The following NCOR1 variants were observed in gnomAD, a reference collection of about 807,000 sequenced individuals.
The protein encoded by NCOR1 is protein phosphatase 1, regulatory subunit 109.
NCOR1 carries 63 observed loss-of-function variants against 288.1 expected under a neutral mutation model. The ratio of observed to expected loss-of-function variants is 0.22; its 90% CI spans 0.18 to 0.27. The LOEUF is 0.27. Ranked by LOEUF, NCOR1 falls within the 10% of genes least tolerant of loss-of-function variation. NCOR1 has a pLI of 1.00. For synonymous variants in NCOR1, 1,007 were observed against 1,065.9 expected (o/e 0.94, Z 1.08); for missense variants, 2,397 against 3,019.2 (o/e 0.79, Z 4.83).
At chr17:16,054,125 T>C (rs1274316986) in intron 40 of NCOR1, among the ~76,000 whole-genome samples, 1 of 90,502 alleles carries the variant, frequency 1.1e-5, no homozygotes, top group East Asian at 3.2e-4. Flanking sequence ...ACCTAGGAAA[T>C]ACCTTTCAGG....
chr17:16,062,344 G>C (rs1231058434), intron 35 of NCOR1, 74 bp from the exon 36 acceptor site: 4 of 1,412,778 alleles, frequency 2.8e-6, no homozygotes, highest in Non-Finnish European at 3.8e-6. Flanking sequence ...AATGCTTATG[G>C]ATTGTTTATT....
chr17:16,089,216 A>C (rs1423111297), intron 22 of NCOR1, among the ~76,000 whole-genome samples: 1 of 152,000 alleles, frequency 6.6e-6, no homozygotes, highest in East Asian at 1.9e-4. Flanking sequence ...GAAAAACAGC[A>C]ACAGCAACAA....
At chr17:16,139,772 T>G (rs1417261654) in intron 11 of NCOR1, among the ~76,000 whole-genome samples, 1 of 152,226 alleles carries the variant, frequency 6.6e-6, no homozygotes, top group Non-Finnish European at 1.5e-5. Flanking sequence ...AAAACTTTGT[T>G]ACACGTGCAG....
chr17:16,087,575 T>C (rs932038619), intron 22 of NCOR1, among the ~76,000 whole-genome samples: 1 of 152,126 alleles, frequency 6.6e-6, no homozygotes, highest in Non-Finnish European at 1.5e-5. Context: ...AAAAAGAACT[T>C]CTCTTTCCTC....
intron 6 of NCOR1, among the ~76,000 whole-genome samples, chr17:16,157,955 C>G (rs1057135199): frequency 1.3e-5 from 2 of 151,574 alleles, no homozygotes; most frequent in African/African-American, 4.8e-5. Context: ...ACCTAAAGGT[C>G]AAAATCTACC....
rs1364517763 is a variant in NCOR1 at position 16,068,089 on chromosome 17, C to T, written c.4546G>A (p.Glu1516Lys). 6.2e-7 allele frequency: 1 copy of T among 1,613,510 alleles called. No individual in the cohort carries two copies. The highest frequency in any genetic ancestry group is 1.7e-5 in the Admixed American group (1 of 59,956). The change falls in exon 32 of 46, where the codon GAA becomes AAA. Residue 1516 changes from glutamate (E) to lysine (K), a missense_variant. Glu to Lys is a moderately conservative substitution (Grantham distance 56). Coordinates refer to ENST00000268712, the MANE Select transcript of NCOR1 (RefSeq NM_006311.4). ...TISSNKSTNH[E>K]RKSTLTPTQR... Reference sequence around the variant, plus strand: ...GTAGGGGTCAGTGTCGATTTCCTTTCATGATTGGTAGACTTGTTAGAAGAA... The same window carrying T: ...GTAGGGGTCAGTGTCGATTTCCTTTTATGATTGGTAGACTTGTTAGAAGAA...
At chr17:16,199,207 A>AC (rs1321714820) in intron 1 of NCOR1, among the ~76,000 whole-genome samples, 34 of 101,444 alleles carry the variant, frequency 3.4e-4, no homozygotes, top group African/African-American at 1.5e-3. Context: ...ACAGAAGGAA[A>AC]AAAAAAAAAA....
chr17:16,098,711 C>T (rs1298077444), intron 20 of NCOR1: 3 of 339,956 alleles, frequency 8.8e-6, no homozygotes, highest in African/African-American at 2.2e-5. Flanking sequence ...ATCGTACTCA[C>T]TTCAGCAGCG....
intron 11 of NCOR1, 64 bp downstream of exon 11, chr17:16,143,542 C>T: frequency 1.6e-6 from 2 of 1,279,448 alleles, no homozygotes; most frequent in Non-Finnish European, 2.3e-6. Context: ...AAACCCTTAG[C>T]TCCTACAGAG....
In NCOR1 at chr17:16,127,345, GTA is replaced by G. The variant is rs1287236889; in HGVS notation, c.1510-1141_1510-1140del. On this transcript the variant is annotated intron_variant, in intron 14 of 45. Coordinates refer to ENST00000268712, the MANE Select transcript of NCOR1 (RefSeq NM_006311.4). The stretch of plus-strand genomic sequence containing the variant: ...TATATGTATGTATATATACATGTAT[GTA>G]TATATGTATGTATATATACATGTAT... Among the ~76,000 whole-genome samples the G allele has an allele frequency of 4.5e-5, 4 of 88,600 alleles. 2 individuals are homozygous for G. Among genetic ancestry groups the G allele is most frequent in the African/African-American group, 2.4e-4 (4 of 16,432 alleles). 58.1% of individuals were successfully genotyped at this position (88,600 alleles called of 152,430 possible). A position where few individuals can be genotyped will look rare whatever the true frequency, so the allele number is the denominator to read the frequency against.
At position 16,127,279 on chromosome 17, in the gene NCOR1, A is replaced by G. The variant is rs1039276488; in HGVS notation, c.1510-1073T>C. ...TGTGTGTGTATATATGTATGTATAT[A>G]TACGTGTATATATGTATGTATGTAT... On this transcript the variant is annotated intron_variant, in intron 14 of 45. Transcript: ENST00000268712. Among the ~76,000 whole-genome samples the G allele has an allele frequency of 3.1e-5, 3 of 97,272 alleles. 1 individual carries two copies. 63.8% of individuals were successfully genotyped at this position (97,272 alleles called of 152,430 possible). A position where few individuals can be genotyped will look rare whatever the true frequency, so the allele number is the denominator to read the frequency against.
chr17:16,173,907 G>A (rs545236772), intron 3 of NCOR1, among the ~76,000 whole-genome samples: 2 of 151,746 alleles, frequency 1.3e-5, no homozygotes, highest in East Asian at 3.9e-4. Context: ...CTCCTGCAGG[G>A]GCAACAAGAG....
intron 42 of NCOR1, chr17:16,044,466 T>C (rs925216844): frequency 6.3e-6 from 3 of 473,148 alleles, no homozygotes; most frequent in Admixed American, 2.3e-5. Flanking sequence ...TAGTAGATGG[T>C]AGATCACAGA....
rs1342084053 is a variant in NCOR1 at position 16,029,588 on chromosome 17, G to A, written c.*2708C>T. ...GTTCTGGGTGCTAAAAAAATCACGT[G>A]TAAGGATATAGTGTCAGAACACTGA... On this transcript the variant is annotated 3_prime_UTR_variant, in exon 46 of 46. Transcript: ENST00000268712. 4.9e-6 allele frequency: 1 copy of A among 202,980 alleles called. No individual in the cohort carries two copies. The highest frequency in any genetic ancestry group is 1.0e-5 in the Non-Finnish European group (1 of 98,150). The allele number at this position is 202,980 out of a possible 1,614,324, so 12.6% of individuals were successfully genotyped here.
intron 19 of NCOR1, among the ~76,000 whole-genome samples, chr17:16,104,493 G>A (rs1162068181): frequency 6.6e-6 from 1 of 152,210 alleles, no homozygotes; most frequent in African/African-American, 2.4e-5. Context: ...GATATAGGCT[G>A]AGAGTGGTGG....
At position 16,065,698 on chromosome 17, in the gene NCOR1, A is replaced by G; in HGVS notation, c.4742-4T>C. On this transcript the variant is annotated splice_region_variant and splice_polypyrimidine_tract_variant and intron_variant, in intron 32 of 45. Transcript: ENST00000268712. ...TGAAACAGGTAAGCAGCCGCTGCTG[A>G]TTGAGAGAATGAAAGAAAGGCACTG... is the stretch of plus-strand genomic sequence containing the variant. 6.2e-7 allele frequency: 1 copy of G among 1,613,950 alleles called. No individual in the cohort carries two copies. Among genetic ancestry groups the G allele is most frequent in the Non-Finnish European group, 8.5e-7 (1 of 1,179,816 alleles).
chr17:16,075,849 T>C (rs567918207), intron 26 of NCOR1, 147 bp from the exon 27 acceptor site: 114 of 835,320 alleles, frequency 1.4e-4, no homozygotes, highest in African/African-American at 7.6e-4. Flanking sequence ...AAATTAGACA[T>C]TGAATTTTTA....
chr17:16,064,822 G>A, intron 34 of NCOR1, 48 bp downstream of exon 34: 2 of 1,475,232 alleles, frequency 1.4e-6, no homozygotes, highest in Non-Finnish European at 9.1e-7. Flanking sequence ...TTGTAAAAAT[G>A]TAAACATGAT....
chr17:16,158,950 C>A (rs912371167), intron 5 of NCOR1, 77 bp from the exon 6 acceptor site: 16 of 964,378 alleles, frequency 1.7e-5, no homozygotes, highest in Non-Finnish European at 2.2e-5. Context: ...GGAGATAACA[C>A]AGGCTACTAA....
Sources: gnomAD v4.1 joint callset for allele counts (sites outside exome capture counted in the v4.1 genomes callset) on GRCh38, gnomAD v4.1.1 for gene constraint, MANE v1.5 for transcripts, NCBI Gene and HGNC (gene_info 2026-07-23, HGNC 2026-07-21) for gene names.